Variants in ATP8A2 observed in about 807,000 individuals in gnomAD.
ATP8A2 encodes ATPase phospholipid transporting 8A2.
ATP8A2 carries 100 observed loss-of-function variants against 165.6 expected under a neutral mutation model. That is an observed-to-expected ratio of 0.60 (90% confidence interval 0.51 to 0.71). The LOEUF is 0.71. Ranked by LOEUF, ATP8A2 falls within the 30% of genes least tolerant of loss-of-function variation. The pLI, the probability that ATP8A2 is intolerant of heterozygous loss-of-function variation, is 0.00. For synonymous variants in ATP8A2, 543 were observed against 548.8 expected, an observed-to-expected ratio of 0.99 and a Z score of 0.15; for missense variants, 1,227 against 1,479.5, an observed-to-expected ratio of 0.83 and a Z score of 2.80.
chr13:25,413,897 G>T (rs1283754485), intron 1 of ATP8A2, among the ~76,000 whole-genome samples: 1 of 151,928 alleles, frequency 6.6e-6, no homozygotes, highest in East Asian at 1.9e-4. Flanking sequence ...GACTGATGAG[G>T]TTTATCATTT....
chr13:25,919,511 C>T (rs149416872), intron 33 of ATP8A2, among the ~76,000 whole-genome samples: 24 of 152,194 alleles, frequency 1.6e-4, no homozygotes, highest in Admixed American at 6.5e-4. Context: ...GAAGGTGCTG[C>T]GAGGTGGGCT....
intron 24 of ATP8A2, among the ~76,000 whole-genome samples, chr13:25,687,589 T>C (rs1391594869): frequency 6.6e-6 from 1 of 152,190 alleles, no homozygotes; most frequent in Non-Finnish European, 1.5e-5. Flanking sequence ...GCGTTGATAT[T>C]CAGTGACTTC....
At chr13:25,463,118 T>C (rs1042530833) in intron 1 of ATP8A2, among the ~76,000 whole-genome samples, 1 of 109,010 alleles carries the variant, frequency 9.2e-6, no homozygotes, top group African/African-American at 3.3e-5. Flanking sequence ...GGTATTTCTT[T>C]CTGAAGTGTT....
At position 25,415,905 on chromosome 13, in the gene ATP8A2, T is replaced by C. The variant is rs375674880; in HGVS notation, c.76+43617T>C. 5.3e-5 allele frequency among the ~76,000 whole-genome samples: 8 copies of C among 152,296 alleles called. No individual in the cohort carries two copies. In the South Asian group the frequency reaches 1.7e-3, roughly 32 times the overall value. ...AGTGTAGAGGCCAATTGTAGCTCCC[T>C]GCAGCCTCAAACTCCTGGGCTCAAG... On this transcript the variant is annotated intron_variant, in intron 1 of 36. Coordinates refer to ENST00000381655, the MANE Select transcript of ATP8A2 (RefSeq NM_016529.6).
rs190348506 is a variant in ATP8A2, at chr13:25,550,631, C to G, written c.892-707C>G. Among the ~76,000 whole-genome samples, 6 of 152,256 alleles carry G rather than the reference C, an allele frequency of 3.9e-5. No individual in the cohort carries two copies. In the East Asian group the frequency reaches 1.2e-3, roughly 29 times the overall value. On this transcript the variant is annotated intron_variant, in intron 10 of 36. Transcript: ENST00000381655. ...AGCAGTGAGAAGGCAGGTGCTAAGC[C>G]TGTGATAAGGTTGCCATTCTCCTTC...
intron 2 of ATP8A2, among the ~76,000 whole-genome samples, chr13:25,521,110 A>C (rs1487613189): frequency 2.0e-5 from 3 of 152,126 alleles, no homozygotes; most frequent in Non-Finnish European, 4.4e-5. Context: ...CATTTTTCTG[A>C]GAATTAGTTA....
intron 24 of ATP8A2, among the ~76,000 whole-genome samples, chr13:25,647,547 A>G (rs2041704406): frequency 6.6e-6 from 1 of 152,100 alleles, no homozygotes; most frequent in East Asian, 1.9e-4. Context: ...TGATTTAGAT[A>G]GTTTGATTAT....
chr13:25,996,399 G>A (rs1181407217), intron 35 of ATP8A2, among the ~76,000 whole-genome samples: 2 of 152,028 alleles, frequency 1.3e-5, no homozygotes, highest in African/African-American at 4.8e-5. Flanking sequence ...AACATAATTT[G>A]GAGAAATCAA....
chr13:25,462,644 C>A lies in ATP8A2; in HGVS notation c.77-6333C>A, dbSNP rs1435853400. Among the ~76,000 whole-genome samples, 8 of 152,150 alleles carry A rather than the reference C, an allele frequency of 5.3e-5. 1 individual carries two copies. Among genetic ancestry groups the A allele is most frequent in the Admixed American group, 5.2e-4 (8 of 15,288 alleles). ...TTGGTCACATGAATTCAACCTCCAT[C>A]CCCCTTTCCCCTTCCCAGAGGTTAG... On this transcript the variant is annotated intron_variant, in intron 1 of 36. Coordinates refer to ENST00000381655, the MANE Select transcript of ATP8A2 (RefSeq NM_016529.6).
chr13:25,386,921 C>T (rs551388706), intron 1 of ATP8A2, among the ~76,000 whole-genome samples: 25 of 147,900 alleles, frequency 1.7e-4, no homozygotes, highest in South Asian at 4.3e-4. Context: ...GGCGGGAACC[C>T]GGGAGGCGGA....
At chr13:25,850,180 C>T (rs1012041618) in intron 30 of ATP8A2, among the ~76,000 whole-genome samples, 1 of 152,168 alleles carries the variant, frequency 6.6e-6, no homozygotes, top group Non-Finnish European at 1.5e-5. Flanking sequence ...GATGGGGAGG[C>T]GAAGCCTTCT....
At chr13:25,505,202 C>CGGGG (rs375325842) in intron 2 of ATP8A2, among the ~76,000 whole-genome samples, 2 of 37,556 alleles carry the variant, frequency 5.3e-5, no homozygotes, top group South Asian at 1.1e-3. Context: ...TTCGGCGGGG[C>CGGGG]GGGGGGGGGT....
At chr13:25,633,382 A>G (rs1242421694) in intron 24 of ATP8A2, among the ~76,000 whole-genome samples, 1 of 152,146 alleles carries the variant, frequency 6.6e-6, no homozygotes, top group Non-Finnish European at 1.5e-5. Context: ...AATACACATC[A>G]CGAGCCTCAG....
chr13:25,503,338 G>T (rs2036917227), intron 2 of ATP8A2, among the ~76,000 whole-genome samples: 1 of 152,194 alleles, frequency 6.6e-6, no homozygotes, highest in Non-Finnish European at 1.5e-5. Flanking sequence ...CGAATGAAAA[G>T]GGAAGTAACC....
At chr13:26,004,618 C>T (rs74413745) in intron 35 of ATP8A2, among the ~76,000 whole-genome samples, 1 of 152,106 alleles carries the variant, frequency 6.6e-6, no homozygotes, top group African/African-American at 2.4e-5. Flanking sequence ...AACTTCTCAC[C>T]ATTGAGTATG....
In ATP8A2 at chr13:25,673,955, T is replaced by G. The variant is rs148693270; in HGVS notation, c.2212-25218T>G. On this transcript the variant is annotated intron_variant, in intron 24 of 36. Coordinates refer to ENST00000381655, the MANE Select transcript of ATP8A2 (RefSeq NM_016529.6). ...TGCCGCTTTGTCATCATTAAGCTAATGTTTTCAACAAGCTGTTTTTTGTGG... is the reference window on the plus strand; with the variant it reads ...TGCCGCTTTGTCATCATTAAGCTAAGGTTTTCAACAAGCTGTTTTTTGTGG... Among the ~76,000 whole-genome samples the G allele has an allele frequency of 8.8e-3, 1,347 of 152,330 alleles. 13 individuals are homozygous for G. Among genetic ancestry groups the G allele is most frequent in the Non-Finnish European group, 0.015 (1,008 of 68,032 alleles).
In ATP8A2 at chr13:25,473,563, A is replaced by G. The variant is rs186873326; in HGVS notation, c.221+4442A>G. On this transcript the variant is annotated intron_variant, in intron 2 of 36. Coordinates refer to ENST00000381655, the MANE Select transcript of ATP8A2 (RefSeq NM_016529.6). Reference sequence around the variant, plus strand: ...AGTGCACAATTCAGCCATCTGAAGTATACAATTCAGTGATTTTTAATATAT... The same window carrying G: ...AGTGCACAATTCAGCCATCTGAAGTGTACAATTCAGTGATTTTTAATATAT... Among the ~76,000 whole-genome samples, 504 of 152,340 alleles carry G rather than the reference A, an allele frequency of 3.3e-3. 4 individuals are homozygous for G. The highest frequency in any genetic ancestry group is 0.012 in the African/African-American group (481 of 41,582).
chr13:25,479,357 GT>G (rs1304755101), intron 2 of ATP8A2, among the ~76,000 whole-genome samples: 1 of 152,144 alleles, frequency 6.6e-6, no homozygotes, highest in African/African-American at 2.4e-5. Flanking sequence ...TTACCCTAAT[GT>G]TTAACCTAGT....
chr13:25,909,617 A>G (rs2138986595), intron 33 of ATP8A2, among the ~76,000 whole-genome samples: 1 of 152,336 alleles, frequency 6.6e-6, no homozygotes, highest in Middle Eastern at 3.4e-3. Context: ...GCACATTTAA[A>G]TTATGAGTTC....
Sources: gnomAD v4.1 joint callset for allele counts (sites outside exome capture counted in the v4.1 genomes callset) on GRCh38, gnomAD v4.1.1 for gene constraint, MANE v1.5 for transcripts, NCBI Gene and HGNC (gene_info 2026-07-23, HGNC 2026-07-21) for gene names.